CUL1: variants seen among roughly 807,000 people sequenced by gnomAD.
CUL1 encodes cullin 1.
CUL1 carries 24 observed loss-of-function variants against 118.0 expected under a neutral mutation model. The observed-to-expected ratio is 0.20, with a 90% CI of 0.15 to 0.29. The LOEUF (loss-of-function observed/expected upper bound fraction) is 0.29. Ranked by LOEUF, CUL1 falls within the 10% of genes least tolerant of loss-of-function variation. The probability of loss-of-function intolerance (pLI) is 1.00; values close to 1 mark genes in which losing one functional copy is unlikely to be tolerated. For missense variants in CUL1, 361 were observed against 933.8 expected, an observed-to-expected ratio of 0.39 and a Z score of 7.99; for synonymous variants, 332 against 340.4, an observed-to-expected ratio of 0.98 and a Z score of 0.27.
At chr7:148,795,051 T>G (rs1801139193) in intron 17 of CUL1, among the ~76,000 whole-genome samples, 1 of 152,178 alleles carries the variant, frequency 6.6e-6, no homozygotes, top group South Asian at 2.1e-4. Flanking sequence ...CAGGCTGGTC[T>G]TGAACTCCTG....
At chr7:148,709,788 T>C (rs1311959540) in intron 1 of CUL1, among the ~76,000 whole-genome samples, 1 of 152,208 alleles carries the variant, frequency 6.6e-6, no homozygotes, top group African/African-American at 2.4e-5. Flanking sequence ...TATGCCTGCT[T>C]AAGGTATGGG....
intron 16 of CUL1, among the ~76,000 whole-genome samples, chr7:148,791,789 C>A (rs1315165199): frequency 1.3e-5 from 2 of 152,186 alleles, no homozygotes; most frequent in Admixed American, 1.3e-4. Context: ...TTGTTGCTGT[C>A]GATTATGCAA....
chr7:148,790,016 T>C lies in CUL1; in HGVS notation c.1674+190T>C, dbSNP rs999374219. 8.5e-5 allele frequency among the ~76,000 whole-genome samples: 13 copies of C among 152,376 alleles called. 1 individual carries two copies. Among genetic ancestry groups the C allele is most frequent in the Non-Finnish European group, 1.3e-4 (9 of 68,034 alleles). On this transcript the variant is annotated intron_variant, in intron 15 of 21. Coordinates refer to ENST00000325222, the MANE Select transcript of CUL1 (RefSeq NM_003592.3). ...CAGGTCTGGATGTCTAAAGGTGGGC[T>C]GTCTGTCCCAGCTCTACAGACATGT...
chr7:148,783,344 G>T, intron 9 of CUL1: 1 of 985,426 alleles, frequency 1.0e-6, no homozygotes, highest in Non-Finnish European at 1.2e-6. Context: ...TCAGACTCCC[G>T]CCCTGAGCCC....
chr7:148,719,874 G>A (rs1054015747), intron 1 of CUL1, among the ~76,000 whole-genome samples: 1 of 152,194 alleles, frequency 6.6e-6, no homozygotes, highest in Non-Finnish European at 1.5e-5. Context: ...AAATGCAGGA[G>A]TAACTCTTGG....
At chr7:148,728,680 T>C (rs1176365998) in intron 1 of CUL1, among the ~76,000 whole-genome samples, 1 of 152,248 alleles carries the variant, frequency 6.6e-6, no homozygotes, top group African/African-American at 2.4e-5. Flanking sequence ...CATAAAATAC[T>C]TTCAGGATCA....
rs534561404 is a variant in CUL1, at chr7:148,751,460, G to A, written c.141-2516G>A. ...CTACTCAGGAGAATCGCTTGATCCC[G>A]GGAGGCAGAGGTTGCAGTGAGCCGA... On this transcript the variant is annotated intron_variant, in intron 2 of 21. Transcript: ENST00000325222. 3.0e-4 allele frequency among the ~76,000 whole-genome samples: 46 copies of A among 150,844 alleles called. 1 individual carries two copies. The highest frequency in any genetic ancestry group is 1.7e-3 in the South Asian group (8 of 4,718).
intron 2 of CUL1, 110 bp downstream of exon 2, chr7:148,730,372 A>G (rs909683088): frequency 5.6e-6 from 7 of 1,249,138 alleles, no homozygotes; most frequent in Non-Finnish European, 6.5e-6. Context: ...TTCATCATGT[A>G]AAATAATCGC....
chr7:148,720,656 C>T (rs763454066), intron 1 of CUL1, among the ~76,000 whole-genome samples: 5 of 152,182 alleles, frequency 3.3e-5, no homozygotes, highest in Admixed American at 6.5e-5. Flanking sequence ...GCTGAGGCTT[C>T]TGACAACTAA....
chr7:148,762,872 C>T (rs1358632174), intron 7 of CUL1, among the ~76,000 whole-genome samples: 1 of 152,222 alleles, frequency 6.6e-6, no homozygotes, highest in Non-Finnish European at 1.5e-5. Context: ...CTAGGCCGGG[C>T]GCGGTGGCTC....
intron 1 of CUL1, among the ~76,000 whole-genome samples, chr7:148,719,661 A>G (rs941700381): frequency 6.6e-6 from 1 of 152,258 alleles, no homozygotes; most frequent in East Asian, 1.9e-4. Context: ...CAACATTCAA[A>G]TAGTAACCAG....
chr7:148,724,735 C>G (rs776153304), intron 1 of CUL1, among the ~76,000 whole-genome samples: 40 of 152,296 alleles, frequency 2.6e-4, no homozygotes, highest in Admixed American at 9.1e-4. Flanking sequence ...GGTACACGCC[C>G]GAAACGCGTG....
chr7:148,741,499 C>T (rs577015684), intron 2 of CUL1, among the ~76,000 whole-genome samples: 98 of 152,314 alleles, frequency 6.4e-4, no homozygotes, highest in African/African-American at 2.1e-3. Flanking sequence ...GAGTGCGTGG[C>T]GAGATCTCAG....
chr7:148,698,643 C>G (rs1349220470), upstream of CUL1: 1 of 151,934 alleles, frequency 6.6e-6, no homozygotes, highest in Non-Finnish European at 1.5e-5. Flanking sequence ...CGGGCCCCTC[C>G]CGCGCCTCGG....
At chr7:148,762,953 C>A (rs1022263270) in intron 7 of CUL1, among the ~76,000 whole-genome samples, 2 of 152,164 alleles carry the variant, frequency 1.3e-5, no homozygotes, top group African/African-American at 4.8e-5. Flanking sequence ...TCGAGACCAG[C>A]CTGGCCAGCA....
At chr7:148,738,282 AC>A in intron 2 of CUL1, among the ~76,000 whole-genome samples, 1 of 152,348 alleles carries the variant, frequency 6.6e-6, no homozygotes, top group African/African-American at 2.4e-5. Flanking sequence ...TAAGTCACAC[AC>A]ATGGTACCTG....
intron 2 of CUL1, among the ~76,000 whole-genome samples, chr7:148,749,415 CAAA>C (rs61460309): frequency 3.9e-4 from 22 of 56,458 alleles, no homozygotes; most frequent in South Asian, 1.6e-3. Flanking sequence ...GACTCCATCT[CAAA>C]AAAAAAAAAA....
At chr7:148,731,648 C>T (rs192694776) in intron 2 of CUL1, among the ~76,000 whole-genome samples, 3 of 152,120 alleles carry the variant, frequency 2.0e-5, no homozygotes, top group African/African-American at 7.2e-5. Context: ...ATTTTAATCA[C>T]CCCAAAACGA....
rs543545884 is a variant in CUL1, at chr7:148,724,424, A to T, written c.-161-5538A>T. ...TCCAAGGGTTAGATGAAAGTGAAGT[A>T]TAACTGTGGCGCGTGTGTGTGTCTG... On this transcript the variant is annotated intron_variant, in intron 1 of 21. Coordinates refer to ENST00000325222, the MANE Select transcript of CUL1 (RefSeq NM_003592.3). Among the ~76,000 whole-genome samples the T allele has an allele frequency of 2.0e-5, 3 of 152,320 alleles. No homozygotes were observed. In the South Asian group the frequency reaches 6.2e-4, roughly 32 times the overall value.
Sources: gnomAD v4.1 joint callset for allele counts (sites outside exome capture counted in the v4.1 genomes callset) on GRCh38, gnomAD v4.1.1 for gene constraint, MANE v1.5 for transcripts, NCBI Gene and HGNC (gene_info 2026-07-23, HGNC 2026-07-21) for gene names.